Variants in EPHA5 observed in about 807,000 individuals in gnomAD.
The protein encoded by EPHA5 is ephrin type-A receptor 5.
EPHA5 carries 60 observed loss-of-function variants against 105.0 expected under a neutral mutation model. The ratio of observed to expected loss-of-function variants is 0.57; its 90% CI spans 0.46 to 0.71. The LOEUF is 0.71. Ranked by LOEUF, EPHA5 falls within the 30% of genes least tolerant of loss-of-function variation. The pLI, the probability that EPHA5 is intolerant of heterozygous loss-of-function variation, is 0.00. For missense variants in EPHA5, 1,218 were observed against 1,274.7 expected (o/e 0.96, Z 0.68); for synonymous variants, 513 against 449.1 (o/e 1.14, Z -1.80).
rs2149036541 is a variant in EPHA5 at position 65,420,461 on chromosome 4, C to A, written c.1507G>T (p.Glu503Ter). 6.3e-7 allele frequency: 1 copy of A among 1,597,092 alleles called. No homozygotes were observed. The highest frequency in any genetic ancestry group is 1.1e-5 in the South Asian group (1 of 88,040). Residue 503 changes from glutamate to a stop codon, truncating the protein, a stop_gained, in exon 6 of 17, where the codon GAA (glutamate) becomes TAA (stop). Coordinates refer to ENST00000613740, the MANE Select transcript of EPHA5 (RefSeq NM_001281766.3). LOFTEE classifies it high-confidence loss of function. Reference protein sequence around the residue: ...DRPNGIILEYEIKYFEKDQET... With the variant: ...DRPNGIILEY ...CTTACCTTTTCAAAATACTTGATTT[C>A]ATACTCTAGGATGATTCCATTGGGA...
intron 5 of EPHA5, among the ~76,000 whole-genome samples, chr4:65,486,826 C>G (rs1366217448): frequency 1.3e-5 from 2 of 152,212 alleles, no homozygotes; most frequent in East Asian, 3.8e-4. Context: ...GGGCCTGTGT[C>G]CCTTCCCAAA....
chr4:65,612,500 C>A (rs1315450116), intron 2 of EPHA5, among the ~76,000 whole-genome samples: 2 of 152,220 alleles, frequency 1.3e-5, no homozygotes, highest in Non-Finnish European at 2.9e-5. Context: ...AAAGACATTA[C>A]TTCATTCTTC....
At chr4:65,622,652 TGTG>T (rs1030806652) in intron 2 of EPHA5, among the ~76,000 whole-genome samples, 1 of 152,104 alleles carries the variant, frequency 6.6e-6, no homozygotes. Context: ...TTTTTAATGA[TGTG>T]GTAGTGATAA....
chr4:65,574,408 C>G, intron 3 of EPHA5: 1 of 544,326 alleles, frequency 1.8e-6, no homozygotes, highest in Non-Finnish European at 2.7e-6. Flanking sequence ...AAAAAATACT[C>G]AAATAACTCA....
chr4:65,450,749 T>C (rs1180583723), intron 5 of EPHA5, among the ~76,000 whole-genome samples: 1 of 152,150 alleles, frequency 6.6e-6, no homozygotes, highest in Non-Finnish European at 1.5e-5. Flanking sequence ...GCATTGACTT[T>C]CCCATTTAAT....
At chr4:65,609,727 A>G (rs1434735328) in intron 2 of EPHA5, among the ~76,000 whole-genome samples, 1 of 151,908 alleles carries the variant, frequency 6.6e-6, no homozygotes, top group African/African-American at 2.4e-5. Flanking sequence ...ACAATTATCC[A>G]AGTGCAGAAG....
chr4:65,581,185 T>C (rs74498418), intron 3 of EPHA5, among the ~76,000 whole-genome samples: 38,876 of 151,608 alleles, frequency 0.26, 6,007 homozygotes, highest in Middle Eastern at 0.4. Context: ...TCTTGTCACT[T>C]CTCTAAAAGT....
chr4:65,351,873 A>C (rs1722851609), intron 12 of EPHA5, among the ~76,000 whole-genome samples: 1 of 151,982 alleles, frequency 6.6e-6, no homozygotes. Context: ...TTTTATTCTC[A>C]GTCATCAGAA....
chr4:65,361,373 GAAAATAGTGAA>G (rs1340166409), intron 11 of EPHA5, among the ~76,000 whole-genome samples: 3 of 151,564 alleles, frequency 2.0e-5, no homozygotes, highest in Non-Finnish European at 4.4e-5. Flanking sequence ...TTTCCAGAAA[GAAAATAGTGAA>G]ATATGGAAAT....
chr4:65,485,235 A>G (rs1730769963), intron 5 of EPHA5, among the ~76,000 whole-genome samples: 1 of 152,038 alleles, frequency 6.6e-6, no homozygotes, highest in South Asian at 2.1e-4. Context: ...AGAATTCTTT[A>G]TATAACTAAC....
At chr4:65,644,226 G>A (rs1747926691) in intron 1 of EPHA5, among the ~76,000 whole-genome samples, 1 of 151,278 alleles carries the variant, frequency 6.6e-6, no homozygotes, top group Non-Finnish European at 1.5e-5. Context: ...ACACCCCCAT[G>A]CACACACATA....
At chr4:65,405,578 T>C (rs748779025) in intron 7 of EPHA5, among the ~76,000 whole-genome samples, 34 of 152,198 alleles carry the variant, frequency 2.2e-4, no homozygotes, top group Non-Finnish European at 4.3e-4. Flanking sequence ...CTGAGGACCC[T>C]CTTGCACTGA....
chr4:65,666,401 C>T (rs1210593016), intron 1 of EPHA5, among the ~76,000 whole-genome samples: 10 of 152,170 alleles, frequency 6.6e-5, no homozygotes, highest in Non-Finnish European at 1.2e-4. Flanking sequence ...GTGAAAAGCA[C>T]TTGTCAAATA....
chr4:65,474,382 TA>T (rs1729594417), intron 5 of EPHA5, among the ~76,000 whole-genome samples: 1 of 151,970 alleles, frequency 6.6e-6, no homozygotes, highest in Non-Finnish European at 1.5e-5. Context: ...CCAAAGCAAA[TA>T]AAATTCACTG....
chr4:65,623,181 T>G (rs1015920321), intron 2 of EPHA5, among the ~76,000 whole-genome samples: 14 of 151,956 alleles, frequency 9.2e-5, no homozygotes, highest in Non-Finnish European at 1.9e-4. Context: ...ACTATAAATC[T>G]CACAAAAGGC....
chr4:65,415,817 T>C (rs1723332445), intron 6 of EPHA5, among the ~76,000 whole-genome samples: 1 of 152,040 alleles, frequency 6.6e-6, no homozygotes, highest in Admixed American at 6.6e-5. Context: ...ATCCACTCTA[T>C]TACCCCTTCT....
intron 3 of EPHA5, among the ~76,000 whole-genome samples, chr4:65,506,780 T>C (rs1008248796): frequency 6.6e-6 from 1 of 152,198 alleles, no homozygotes; most frequent in African/African-American, 2.4e-5. Flanking sequence ...TAGCCCTTTG[T>C]CAGATGAGTA....
chr4:65,659,587 ATTTTTTAAGAC>A (rs1269980855), intron 1 of EPHA5, among the ~76,000 whole-genome samples: 1 of 152,052 alleles, frequency 6.6e-6, no homozygotes, highest in Non-Finnish European at 1.5e-5. Context: ...CCTCACATAC[ATTTTTTAAGAC>A]TTGTTTTGAG....
Position 65,599,348 on chromosome 4 carries a change from AAC to A in EPHA5, c.910+2291_910+2292del, listed in dbSNP as rs71657190. 2.3e-3 allele frequency among the ~76,000 whole-genome samples: 335 copies of A among 148,668 alleles called. 3 individuals are homozygous for A. Among genetic ancestry groups the A allele is most frequent in the South Asian group, 8.8e-3 (41 of 4,670 alleles). ...AGCTAGAGTCATGGTGGCATTTTATAACACACACACACACACACACACACACA... is the reference window on the plus strand; with the variant it reads ...AGCTAGAGTCATGGTGGCATTTTATAACACACACACACACACACACACACA... On this transcript the variant is annotated intron_variant, in intron 3 of 16. Transcript: ENST00000613740.
Sources: gnomAD v4.1 joint callset for allele counts (sites outside exome capture counted in the v4.1 genomes callset) on GRCh38, gnomAD v4.1.1 for gene constraint, MANE v1.5 for transcripts, NCBI Gene and HGNC (gene_info 2026-07-23, HGNC 2026-07-21) for gene names.